Variants in MEGF11 observed in about 807,000 individuals in gnomAD.
The protein encoded by MEGF11 is multiple epidermal growth factor-like domains protein 11.
In MEGF11, 126 loss-of-function variants were observed where a neutral mutation model predicts 146.6. That is an observed-to-expected ratio of 0.86 (90% CI 0.74 to 1.00). The LOEUF is 1.00. Ranked by LOEUF, MEGF11 falls within the 50% of genes least tolerant of loss-of-function variation. The probability of loss-of-function intolerance (pLI) is 0.00; values close to 1 mark genes in which losing one functional copy is unlikely to be tolerated. For missense variants in MEGF11, 1,509 were observed against 1,521.2 expected, an observed-to-expected ratio of 0.99 and a Z score of 0.13; for synonymous variants, 532 against 583.4, an observed-to-expected ratio of 0.91 and a Z score of 1.27.
At chr15:65,984,645 A>T (rs2081789765) in intron 5 of MEGF11, among the ~76,000 whole-genome samples, 2 of 151,752 alleles carry the variant, frequency 1.3e-5, no homozygotes, top group African/African-American at 2.4e-5. Flanking sequence ...CAGAAGGACT[A>T]GCAGAATTAT....
At chr15:66,196,588 A>T (rs1318585682) in intron 1 of MEGF11, among the ~76,000 whole-genome samples, 3 of 152,194 alleles carry the variant, frequency 2.0e-5, no homozygotes, top group African/African-American at 7.2e-5. Context: ...TTCTGTTTAG[A>T]AAGGTCACTC....
At chr15:66,035,078 C>A (rs1357240130) in intron 5 of MEGF11, among the ~76,000 whole-genome samples, 1 of 152,118 alleles carries the variant, frequency 6.6e-6, no homozygotes, top group Non-Finnish European at 1.5e-5. Flanking sequence ...ATTACCCGGT[C>A]TGTGGCATTC....
intron 5 of MEGF11, among the ~76,000 whole-genome samples, chr15:66,083,748 T>C (rs2085989973): frequency 6.6e-6 from 1 of 151,900 alleles, no homozygotes; most frequent in African/African-American, 2.4e-5. Context: ...ATCCTGTATT[T>C]ACGAAAAAAA....
intron 5 of MEGF11, among the ~76,000 whole-genome samples, chr15:66,027,468 G>T (rs61310892): frequency 6.6e-6 from 1 of 152,178 alleles, no homozygotes; most frequent in Non-Finnish European, 1.5e-5. Flanking sequence ...ACTGTGCACC[G>T]TAACATTTGC....
At chr15:66,184,169 A>G (rs1004081128) in intron 1 of MEGF11, among the ~76,000 whole-genome samples, 3 of 152,178 alleles carry the variant, frequency 2.0e-5, no homozygotes, top group Non-Finnish European at 4.4e-5. Context: ...GGGTGTATAC[A>G]TATGTCAAAA....
intron 9 of MEGF11, among the ~76,000 whole-genome samples, chr15:65,961,459 T>A (rs931666753): frequency 3.9e-5 from 6 of 152,228 alleles, no homozygotes; most frequent in Admixed American, 3.9e-4. Context: ...TCAAAGGTAA[T>A]ACACGATCAT....
intron 2 of MEGF11, 62 bp from the exon 3 acceptor site, chr15:66,124,062 GCAGGGCATCTGAGCCCA>G (rs879855153): frequency 1.4e-4 from 185 of 1,365,186 alleles, no homozygotes; most frequent in Non-Finnish European, 1.8e-4. Context: ...CTGATATTCC[GCAGGGCATCTGAGCCCA>G]CAGCCCTGAG....
chr15:66,016,824 G>A (rs1386719750), intron 5 of MEGF11, among the ~76,000 whole-genome samples: 1 of 152,196 alleles, frequency 6.6e-6, no homozygotes, highest in Non-Finnish European at 1.5e-5. Context: ...TTATGCTGGT[G>A]TACTTGTCTG....
chr15:65,915,324 C>A, intron 19 of MEGF11, 146 bp downstream of exon 19: 1 of 1,081,962 alleles, frequency 9.2e-7, no homozygotes, highest in Non-Finnish European at 1.3e-6. Flanking sequence ...GCACTTGGAG[C>A]CTCTGCAGCC....
chr15:66,168,547 A>G (rs772325826), intron 1 of MEGF11, among the ~76,000 whole-genome samples: 19 of 152,194 alleles, frequency 1.2e-4, no homozygotes, highest in Non-Finnish European at 2.5e-4. Flanking sequence ...GCAGAGGGAG[A>G]ATACCTGGGG....
At chr15:66,010,246 G>T (rs2082670857) in intron 5 of MEGF11, among the ~76,000 whole-genome samples, 2 of 146,332 alleles carry the variant, frequency 1.4e-5, no homozygotes, top group African/African-American at 5.1e-5. Flanking sequence ...AGGCTGGAAT[G>T]CAGTAGCATG....
At chr15:66,066,909 C>T (rs1036992349) in intron 5 of MEGF11, among the ~76,000 whole-genome samples, 2 of 152,244 alleles carry the variant, frequency 1.3e-5, no homozygotes, top group African/African-American at 4.8e-5. Context: ...GAGGCACCAT[C>T]TGCCTGTCAC....
Position 65,898,072 on chromosome 15 carries a change from T to C in MEGF11, c.3285A>G (p.Gln1095=). ...YEVEPTVSVV[Q]EGCGHNSSYI... ...AGCTGGAGTTATGACCGCAACCTTC[T>C]TGGACCACACTGACTGTGGGCTCTA... The change falls in exon 26 of 26, where the codon CAA becomes CAG. Residue 1095 remains glutamine, a synonymous_variant. Transcript: ENST00000395614. 2 of 1,613,858 alleles carry C rather than the reference T, an allele frequency of 1.2e-6. No individual in the cohort carries two copies. Among genetic ancestry groups the C allele is most frequent in the Non-Finnish European group, 1.7e-6 (2 of 1,179,794 alleles).
chr15:65,911,641 G>A (rs1168448209), intron 21 of MEGF11, among the ~76,000 whole-genome samples: 1 of 152,152 alleles, frequency 6.6e-6, no homozygotes, highest in Non-Finnish European at 1.5e-5. Context: ...TCAATATCTC[G>A]ACCTTGTGAT....
intron 1 of MEGF11, among the ~76,000 whole-genome samples, chr15:66,142,164 A>G (rs550085173): frequency 6.6e-6 from 1 of 152,278 alleles, no homozygotes; most frequent in Non-Finnish European, 1.5e-5. Context: ...GCCCCATCCT[A>G]TTCTGGGCTC....
chr15:65,998,201 C>T (rs2082257383), intron 5 of MEGF11, among the ~76,000 whole-genome samples: 1 of 152,136 alleles, frequency 6.6e-6, no homozygotes, highest in Non-Finnish European at 1.5e-5. Flanking sequence ...GACTTGCAAC[C>T]CTGGTCTAAG....
chr15:66,128,545 A>G (rs1490477032), intron 1 of MEGF11, 134 bp from the exon 2 acceptor site: 2 of 467,736 alleles, frequency 4.3e-6, no homozygotes, highest in Non-Finnish European at 7.2e-6. Context: ...GTAACAGTTC[A>G]CTGGTTCTGA....
chr15:66,059,601 C>A (rs148681505), intron 5 of MEGF11, among the ~76,000 whole-genome samples: 7 of 152,214 alleles, frequency 4.6e-5, no homozygotes, highest in East Asian at 1.9e-4. Context: ...AGAGACCCCC[C>A]ACAGCGCTAG....
intron 1 of MEGF11, among the ~76,000 whole-genome samples, chr15:66,213,343 G>A (rs2091509243): frequency 6.6e-6 from 1 of 152,164 alleles, no homozygotes; most frequent in Non-Finnish European, 1.5e-5. Flanking sequence ...CAGAAAGATG[G>A]TGGCAGCATC....
Sources: gnomAD v4.1 joint callset for allele counts (sites outside exome capture counted in the v4.1 genomes callset) on GRCh38, gnomAD v4.1.1 for gene constraint, MANE v1.5 for transcripts, NCBI Gene and HGNC (gene_info 2026-07-23, HGNC 2026-07-21) for gene names.